The following PDHB variants were observed in gnomAD, a reference collection of about 807,000 sequenced individuals.
PDHB encodes the protein pyruvate dehydrogenase E1 subunit beta.
In PDHB, 17 loss-of-function variants were observed where a neutral mutation model predicts 42.8. That is an observed-to-expected ratio of 0.40 (90% CI 0.27 to 0.60). The LOEUF is 0.60. PDHB is among the 20% of genes least tolerant of loss of function. PDHB has a pLI of 0.46. For synonymous variants in PDHB, 154 were observed against 148.7 expected (o/e 1.04, Z -0.26); for missense variants, 322 against 451.3 (o/e 0.71, Z 2.60).
chr3:58,428,013 G>T lies in PDHB; in HGVS notation c.*21C>A. 2 of 1,556,678 alleles carry T rather than the reference G, an allele frequency of 1.3e-6. No individual in the cohort carries two copies. The highest frequency in any genetic ancestry group is 1.8e-6 in the Non-Finnish European group (2 of 1,128,902). On this transcript the variant is annotated 3_prime_UTR_variant, in exon 10 of 10. Coordinates refer to ENST00000302746, the MANE Select transcript of PDHB (RefSeq NM_000925.4). ...GCAAGTATTTCAAATAAATTTCAAC[G>T]ACTTGATATTCAAGTCCAAACTAAA... is the stretch of plus-strand genomic sequence containing the variant.
Position 58,428,614 on chromosome 3 carries a change from C to T in PDHB, c.793G>A (p.Val265Met). The change falls in exon 9 of 10, where the codon GTG (valine) becomes ATG (methionine). Residue 265 changes from valine to methionine, a missense_variant and splice_region_variant. Transcript: ENST00000302746. ...VLSKEGVECE[V>M]INMRTIRPMD... is the part of the protein sequence containing the mutation. ...GGTCTAATGGTACGCATATTTATCA[C>T]CTAAACAGGTAATATAATCAAGTTT... The T allele has an allele frequency of 6.2e-7, 1 of 1,611,800 alleles. No homozygotes were observed. The highest frequency in any genetic ancestry group is 8.5e-7 in the Non-Finnish European group (1 of 1,177,992).
In PDHB at chr3:58,433,702, A is replaced by G. The variant is rs548113809; in HGVS notation, c.43-18T>C. On this transcript the variant is annotated intron_variant, in intron 1 of 9. Transcript: ENST00000302746. ...CCGGAGACCTGGCAGGGAGAGAGGAAGATGACGGCGGGACGCAGGGTGGGC... is the reference window on the plus strand; with the variant it reads ...CCGGAGACCTGGCAGGGAGAGAGGAGGATGACGGCGGGACGCAGGGTGGGC... The G allele has an allele frequency of 1.5e-4, 243 of 1,612,828 alleles. 4 individuals are homozygous for G. The South Asian group carries it at 2.5e-3, about 17-fold the overall frequency.
chr3:58,430,356 T>A, intron 6 of PDHB, 118 bp from the exon 7 acceptor site: 2 of 754,536 alleles, frequency 2.7e-6, no homozygotes, highest in Non-Finnish European at 4.4e-6. Flanking sequence ...TAGCCTTATC[T>A]CTACCATGAC....
chr3:58,433,399 C>G (rs2062940781), intron 2 of PDHB: 1 of 599,940 alleles, frequency 1.7e-6, no homozygotes, highest in Non-Finnish European at 3.0e-6. Flanking sequence ...AGGGAGGAAA[C>G]GCCTAGTCTT....
rs1194980191 is a variant in PDHB at position 58,427,918 on chromosome 3, C to T, written c.*116G>A. 2.5e-6 allele frequency: 2 copies of T among 789,854 alleles called. No homozygotes were observed. The highest frequency in any genetic ancestry group is 2.7e-5 in the East Asian group (1 of 37,728). The allele number at this position is 789,854 out of a possible 1,614,324, so 48.9% of individuals were successfully genotyped here. A position where few individuals can be genotyped will look rare whatever the true frequency, so the allele number is the denominator to read the frequency against. ...AAACTTCCCTGTACAAAAATACCTG[C>T]TGTTGCTTTAGAAATCGTTTTCCGT... On this transcript the variant is annotated 3_prime_UTR_variant, in exon 10 of 10. Transcript: ENST00000302746.
intron 8 of PDHB, 36 bp from the exon 9 acceptor site, chr3:58,428,650 T>C: frequency 6.3e-7 from 1 of 1,582,584 alleles, no homozygotes; most frequent in Non-Finnish European, 8.7e-7. Context: ...ACAGAGCTAT[T>C]GCAGCACAAA....
chr3:58,429,153 A>C (rs544645994), intron 8 of PDHB, among the ~76,000 whole-genome samples: 139 of 152,344 alleles, frequency 9.1e-4, no homozygotes, highest in African/African-American at 3.2e-3. Context: ...ATGAGTTAAC[A>C]GTTAACAGCT....
chr3:58,428,851 C>CTATT (rs1171506473), intron 8 of PDHB: 1 of 533,344 alleles, frequency 1.9e-6, no homozygotes, highest in African/African-American at 1.9e-5. Flanking sequence ...ATTTATCTTC[C>CTATT]TTCACTTTTT....
chr3:58,430,680 G>A lies in PDHB; in HGVS notation c.566C>T (p.Ser189Leu). The change falls in exon 6 of 10, where the codon TCA becomes TTA. Residue 189 changes from serine to leucine, a missense_variant. Ser to Leu is a moderately radical substitution (Grantham distance 145). Coordinates refer to ENST00000302746, the MANE Select transcript of PDHB (RefSeq NM_000925.4). ...ACCTGGATTGTTATCCCGAATGGCT[G>A]ATTTAATAAGTCCTTTAGCATCCTC... ...NSEDAKGLIK[S>L]AIRDNNPVVV... 6.2e-7 allele frequency: 1 copy of A among 1,613,892 alleles called. No individual in the cohort carries two copies. The highest frequency in any genetic ancestry group is 8.5e-7 in the Non-Finnish European group (1 of 1,179,998).
Position 58,431,805 on chromosome 3 carries a change from A to G in PDHB, c.205-12T>C. 6.2e-7 allele frequency: 1 copy of G among 1,610,720 alleles called. No homozygotes were observed. The highest frequency in any genetic ancestry group is 1.3e-5 in the African/African-American group (1 of 74,972). On this transcript the variant is annotated splice_polypyrimidine_tract_variant and intron_variant, in intron 3 of 9. Coordinates refer to ENST00000302746, the MANE Select transcript of PDHB (RefSeq NM_000925.4). This position sits in a 1 kb window ranked among gnomAD's most constrained non-coding sequence, Gnocchi z 4.4. ...AGCCCTCGACTAACCTACAATTAAG[A>G]GTTGATCCCTTAAGTGTATCTGGGG...
Position 58,431,898 on chromosome 3 carries a change from G to A in PDHB, c.183C>T (p.Ala61=), listed in dbSNP as rs1263419219. 1.9e-6 allele frequency: 3 copies of A among 1,613,386 alleles called. No individual in the cohort carries two copies. In the East Asian group the frequency reaches 6.7e-5, roughly 36 times the overall value. The change falls in exon 3 of 10, where the codon GCC becomes GCT. Residue 61 remains alanine, a synonymous_variant. Coordinates refer to ENST00000302746, the MANE Select transcript of PDHB (RefSeq NM_000925.4). This position sits in a 1 kb window ranked among gnomAD's most constrained non-coding sequence, Gnocchi z 4.4. ...TTACCTTGTATGCCCCATCATACTGGGCAACTTCTTCTCCAAGCAGAAATA... is the reference window on the plus strand; with the variant it reads ...TTACCTTGTATGCCCCATCATACTGAGCAACTTCTTCTCCAAGCAGAAATA... The part of the protein sequence containing the change: ...EKVFLLGEEV[A]QYDGAYKVSR...
chr3:58,431,011 C>A lies in PDHB; in HGVS notation c.304-69G>T. 7.4e-7 allele frequency: 1 copy of A among 1,345,834 alleles called. No individual in the cohort carries two copies. Among genetic ancestry groups the A allele is most frequent in the South Asian group, 1.2e-5 (1 of 85,300 alleles). 83.4% of individuals were successfully genotyped at this position (1,345,834 alleles called of 1,614,324 possible). On this transcript the variant is annotated intron_variant, in intron 5 of 9. Coordinates refer to ENST00000302746, the MANE Select transcript of PDHB (RefSeq NM_000925.4). This position sits in a 1 kb window ranked among gnomAD's most constrained non-coding sequence, Gnocchi z 4.4. ...AACAAACAGTAGCAAACAAATCACT[C>A]CAAGTCTTCCAACATTCAAATAATG...
At position 58,431,516 on chromosome 3, in the gene PDHB, G is replaced by C. The variant is rs2062920328; in HGVS notation, c.303+77C>G. On this transcript the variant is annotated intron_variant, in intron 5 of 9. Transcript: ENST00000302746. This position sits in a 1 kb window ranked among gnomAD's most constrained non-coding sequence, Gnocchi z 4.4. Reference sequence around the variant, plus strand: ...AGTGCACTCCAGGCTGGACAACAGAGTGAGACTCTGTCTCAAAAGAAAAAA... The same window carrying C: ...AGTGCACTCCAGGCTGGACAACAGACTGAGACTCTGTCTCAAAAGAAAAAA... 1.7e-6 allele frequency: 2 copies of C among 1,157,884 alleles called. No individual in the cohort carries two copies. The highest frequency in any genetic ancestry group is 3.0e-5 in the African/African-American group (2 of 65,934). 71.7% of individuals were successfully genotyped at this position (1,157,884 alleles called of 1,614,324 possible).
At chr3:58,430,549 A>T (rs1306545211) in intron 6 of PDHB, 108 bp downstream of exon 6, 8 of 899,866 alleles carry the variant, frequency 8.9e-6, no homozygotes, top group Admixed American at 2.0e-5. Flanking sequence ...TTAACATTCT[A>T]TACGATATAT....
chr3:58,433,134 A>C (rs1489679978), intron 2 of PDHB: 5 of 184,870 alleles, frequency 2.7e-5, no homozygotes, highest in Admixed American at 1.7e-4. Context: ...ACTTATAAGA[A>C]GTTCTAGAAT....
At position 58,430,243 on chromosome 3, in the gene PDHB, A is replaced by G. The variant is rs1475934408; in HGVS notation, c.590-5T>C. 1 of 1,552,966 alleles carries G rather than the reference A, an allele frequency of 6.4e-7. No homozygotes were observed. The highest frequency in any genetic ancestry group is 2.2e-5 in the East Asian group (1 of 44,612). ...ATTCATTCTCTAGCACCACCACTGA[A>G]AAACATAAATATTTAAACAAAAGTA... On this transcript the variant is annotated splice_region_variant and splice_polypyrimidine_tract_variant and intron_variant, in intron 6 of 9. Coordinates refer to ENST00000302746, the MANE Select transcript of PDHB (RefSeq NM_000925.4).
Position 58,433,678 on chromosome 3 carries a change from C to T in PDHB, c.49G>A (p.Gly17Arg), listed in dbSNP as rs1210138625. 3 of 1,612,770 alleles carry T rather than the reference C, an allele frequency of 1.9e-6. No homozygotes were observed. Among genetic ancestry groups the T allele is most frequent in the Admixed American group, 1.7e-5 (1 of 59,906 alleles). The change falls in exon 2 of 10, where the codon GGG becomes AGG. Residue 17 changes from glycine to arginine, a missense_variant. This residue lies in a region of PDHB where 58 missense variants were observed against 42.1 expected (regional missense o/e 1.38). Coordinates refer to ENST00000302746, the MANE Select transcript of PDHB (RefSeq NM_000925.4). ...CAGTGAAAGCGCCTCTTCAGCAGCC[C>T]GGAGACCTGGCAGGGAGAGAGGAAG... ...LVRRPLREVS[G>R]LLKRRFHWTA...
Position 58,428,066 on chromosome 3 carries a change from T to C in PDHB, c.1048A>G (p.Ile350Val). The C allele has an allele frequency of 6.2e-7, 1 of 1,609,128 alleles. No homozygotes were observed. Among genetic ancestry groups the C allele is most frequent in the Non-Finnish European group, 8.5e-7 (1 of 1,175,368 alleles). The stretch of plus-strand genomic sequence containing the variant: ...TTTAATGTTTTCTTTATTGCAAATA[T>C]GATGTCTTTGACCTGAGGTATAGAG... ...DNSIPQVKDI[I>V]FAIKKTLNI The change falls in exon 10 of 10, where the codon ATA becomes GTA. Residue 350 changes from isoleucine (I) to valine (V), a missense_variant. Physicochemically the swap from Ile to Val is conservative, Grantham distance 29 (BLOSUM62 3). Coordinates refer to ENST00000302746, the MANE Select transcript of PDHB (RefSeq NM_000925.4).
chr3:58,429,876 T>C lies in PDHB; in HGVS notation c.701-77A>G, dbSNP rs1449007967. 3.4e-6 allele frequency: 3 copies of C among 871,484 alleles called. No individual in the cohort carries two copies. In the African/African-American group the frequency reaches 4.9e-5, roughly 14 times the overall value. The allele number at this position is 871,484 out of a possible 1,614,324, so 54.0% of individuals were successfully genotyped here. A position where few individuals can be genotyped will look rare whatever the true frequency, so the allele number is the denominator to read the frequency against. On this transcript the variant is annotated intron_variant, in intron 7 of 9. Transcript: ENST00000302746. ...ACACCACTGTGCCGCCAGCTGTGGC[T>C]CTTGTTCATTCATAAAGTCTTCAAT...
Sources: allele counts gnomAD v4.1 joint callset (sites outside exome capture counted in the v4.1 genomes callset), GRCh38; gene constraint gnomAD v4.1.1; regional missense constraint gnomAD v4.1.1; non-coding constraint Gnocchi (gnomAD v3.1); transcripts MANE v1.5; gene names NCBI Gene and HGNC (gene_info 2026-07-23, HGNC 2026-07-21).